Variants in FAM210A observed in about 807,000 individuals in gnomAD.
FAM210A encodes family with sequence similarity 210 member A.
In FAM210A, 13 loss-of-function variants were observed where a neutral mutation model predicts 25.3. The ratio of observed to expected loss-of-function variants is 0.51; its 90% CI spans 0.33 to 0.82. The LOEUF (loss-of-function observed/expected upper bound fraction) is 0.82. Among genes scored for constraint, FAM210A ranks in the 40% least tolerant of loss-of-function variants. The probability of loss-of-function intolerance (pLI) is 0.02; values close to 1 mark genes in which losing one functional copy is unlikely to be tolerated. For missense variants in FAM210A, 319 were observed against 323.2 expected, an observed-to-expected ratio of 0.99 and a Z score of 0.10; for synonymous variants, 125 against 118.7, an observed-to-expected ratio of 1.05 and a Z score of -0.35.
intron 2 of FAM210A, among the ~76,000 whole-genome samples, chr18:13,676,486 C>A (rs1025248413): frequency 6.6e-6 from 1 of 151,958 alleles, no homozygotes; most frequent in African/African-American, 2.4e-5. Flanking sequence ...CATTCCTGAG[C>A]CCTGGCTTCT....
At chr18:13,705,406 C>T (rs1040120438) in intron 1 of FAM210A, among the ~76,000 whole-genome samples, 4 of 152,186 alleles carry the variant, frequency 2.6e-5, no homozygotes, top group Admixed American at 6.5e-5. Flanking sequence ...TTCCATGACT[C>T]ATCACGGAAA....
At chr18:13,692,705 C>G (rs1222821254) in intron 1 of FAM210A, among the ~76,000 whole-genome samples, 6 of 152,094 alleles carry the variant, frequency 3.9e-5, no homozygotes. Flanking sequence ...CCAATGAGAA[C>G]AAAGACACAA....
chr18:13,722,019 C>G (rs576136177), intron 1 of FAM210A, among the ~76,000 whole-genome samples: 12 of 152,138 alleles, frequency 7.9e-5, no homozygotes, highest in Non-Finnish European at 1.8e-4. Flanking sequence ...GGTTCTGAGT[C>G]TGTAAAATGA....
intron 1 of FAM210A, among the ~76,000 whole-genome samples, chr18:13,716,338 A>G (rs949536460): frequency 2.6e-5 from 4 of 152,190 alleles, no homozygotes; most frequent in African/African-American, 9.7e-5. Context: ...CAGAGCCCCC[A>G]GCTCCAATGA....
At chr18:13,692,187 CAAG>C (rs536566050) in intron 1 of FAM210A, among the ~76,000 whole-genome samples, 1,722 of 152,052 alleles carry the variant, frequency 0.011, 36 homozygotes, top group African/African-American at 0.04. Context: ...ATCAATTCAA[CAAG>C]AAGAGCTAAC....
intron 1 of FAM210A, among the ~76,000 whole-genome samples, chr18:13,722,954 C>T (rs1478981671): frequency 1.3e-5 from 2 of 152,046 alleles, no homozygotes; most frequent in Non-Finnish European, 2.9e-5. Flanking sequence ...AGCGATTCTC[C>T]TGCCTCAGCC....
At chr18:13,713,705 G>A (rs1037398674) in intron 1 of FAM210A, among the ~76,000 whole-genome samples, 11 of 85,168 alleles carry the variant, frequency 1.3e-4, no homozygotes, top group Admixed American at 3.8e-4. Context: ...GATTAGTAGC[G>A]GGGAAGTATG....
At chr18:13,671,434 T>C (rs1287603540) in intron 3 of FAM210A, among the ~76,000 whole-genome samples, 1 of 152,202 alleles carries the variant, frequency 6.6e-6, no homozygotes, top group Non-Finnish European at 1.5e-5. Context: ...GTCAAACAGA[T>C]GACTACTACC....
At chr18:13,694,564 A>G (rs559375388) in intron 1 of FAM210A, among the ~76,000 whole-genome samples, 3 of 152,224 alleles carry the variant, frequency 2.0e-5, no homozygotes, top group Non-Finnish European at 2.9e-5. Context: ...ATAATACCAC[A>G]TATCTACAAC....
At chr18:13,713,550 C>T (rs138840147) in intron 1 of FAM210A, among the ~76,000 whole-genome samples, 2 of 152,266 alleles carry the variant, frequency 1.3e-5, no homozygotes, top group East Asian at 1.9e-4. Flanking sequence ...AATATATTTG[C>T]AGTTTCTGAA....
chr18:13,666,755 T>C (rs760454819), intron 3 of FAM210A, 42 bp from the exon 4 acceptor site: 3 of 1,550,724 alleles, frequency 1.9e-6, no homozygotes, highest in East Asian at 2.3e-5. Flanking sequence ...AACCTGGTTA[T>C]TACTGTCATC....
chr18:13,724,856 C>A lies in FAM210A; in HGVS notation c.-29+1473G>T, dbSNP rs1040574850. On this transcript the variant is annotated intron_variant, in intron 1 of 3. Coordinates refer to ENST00000651643, the MANE Select transcript of FAM210A (RefSeq NM_152352.4). ...CGGCGCAATCTCGGCTCACTGCAAC[C>A]TCCGCCTTCCGGGTTTAAGCGATTC... 7.9e-5 allele frequency among the ~76,000 whole-genome samples: 12 copies of A among 152,302 alleles called. No homozygotes were observed. The South Asian group carries it at 2.5e-3, about 32-fold the overall frequency.
At chr18:13,718,245 T>C (rs1003225879) in intron 1 of FAM210A, among the ~76,000 whole-genome samples, 1 of 152,294 alleles carries the variant, frequency 6.6e-6, no homozygotes, top group Non-Finnish European at 1.5e-5. Context: ...CTACTCTCCT[T>C]AAGAAACCTT....
intron 1 of FAM210A, among the ~76,000 whole-genome samples, chr18:13,717,364 A>T (rs1380460149): frequency 6.6e-6 from 1 of 152,118 alleles, no homozygotes; most frequent in Non-Finnish European, 1.5e-5. Flanking sequence ...GCTAGTCTCG[A>T]ACTCCTGGGC....
chr18:13,671,989 A>G lies in FAM210A; in HGVS notation c.474-16T>C, dbSNP rs2043447335. 6.7e-7 allele frequency: 1 copy of G among 1,490,732 alleles called. No individual in the cohort carries two copies. The highest frequency in any genetic ancestry group is 9.3e-7 in the Non-Finnish European group (1 of 1,075,976). 92.3% of individuals were successfully genotyped at this position (1,490,732 alleles called of 1,614,324 possible). On this transcript the variant is annotated splice_polypyrimidine_tract_variant and intron_variant, in intron 2 of 3. Transcript: ENST00000651643. ...ATTCACTCCTCTACAAAAAAAAAAA[A>G]GTAATTTTCATATGTACAAACTTTT...
At chr18:13,693,351 T>A (rs1382327246) in intron 1 of FAM210A, among the ~76,000 whole-genome samples, 1 of 152,116 alleles carries the variant, frequency 6.6e-6, no homozygotes, top group African/African-American at 2.4e-5. Context: ...CTGAAACTAT[T>A]CCAATCAACA....
chr18:13,699,717 CA>C (rs2043723567), intron 1 of FAM210A, among the ~76,000 whole-genome samples: 1 of 152,098 alleles, frequency 6.6e-6, no homozygotes, highest in Non-Finnish European at 1.5e-5. Flanking sequence ...TTCTCCTTAT[CA>C]GTAAAATTAA....
At chr18:13,706,099 A>G (rs2043776001) in intron 1 of FAM210A, among the ~76,000 whole-genome samples, 1 of 152,228 alleles carries the variant, frequency 6.6e-6, no homozygotes, top group African/African-American at 2.4e-5. Flanking sequence ...ATACTGCAGC[A>G]AAACTTCAGG....
At chr18:13,690,039 A>T (rs1025884596) in intron 1 of FAM210A, among the ~76,000 whole-genome samples, 2 of 152,210 alleles carry the variant, frequency 1.3e-5, no homozygotes, top group African/African-American at 4.8e-5. Flanking sequence ...GTACGTGGAA[A>T]ATCGGGACTC....
Sources: gnomAD v4.1 joint callset for allele counts (sites outside exome capture counted in the v4.1 genomes callset) on GRCh38, gnomAD v4.1.1 for gene constraint, MANE v1.5 for transcripts, NCBI Gene and HGNC (gene_info 2026-07-23, HGNC 2026-07-21) for gene names.